The following FAM81A variants were observed in gnomAD, a reference collection of about 807,000 sequenced individuals.
The protein encoded by FAM81A is family with sequence similarity 81 member A, also known as protein FAM81A.
Under a neutral mutation model 46.7 loss-of-function variants are expected in FAM81A, and 19 were observed. The ratio of observed to expected loss-of-function variants is 0.41; its 90% CI spans 0.28 to 0.60. FAM81A has a LOEUF of 0.60. Ranked by LOEUF, FAM81A falls within the 20% of genes least tolerant of loss-of-function variation. FAM81A has a pLI of 0.34. For synonymous variants in FAM81A, 183 were observed against 152.9 expected (o/e 1.20, Z -1.45); for missense variants, 377 against 453.5 (o/e 0.83, Z 1.53).
chr15:59,494,550 A>AG (rs138286693), intron 4 of FAM81A, among the ~76,000 whole-genome samples: 12,258 of 152,244 alleles, frequency 0.081, 589 homozygotes, highest in African/African-American at 0.13. Context: ...TTCTCTACTC[A>AG]ACTTGTTGCT....
At chr15:59,500,770 C>T (rs1279389599) in intron 4 of FAM81A, among the ~76,000 whole-genome samples, 4 of 151,884 alleles carry the variant, frequency 2.6e-5, no homozygotes, top group Non-Finnish European at 5.9e-5. Context: ...TTTGTTCTAC[C>T]TATTCACGTT....
chr15:59,415,881 G>A (rs1432353153), intron 2 of FAM81A, among the ~76,000 whole-genome samples: 4 of 152,270 alleles, frequency 2.6e-5, no homozygotes, highest in African/African-American at 9.6e-5. Flanking sequence ...ATGATTTGTT[G>A]TTAAGCAGAA....
chr15:59,408,051 CT>C, intron 2 of FAM81A: 1 of 167,388 alleles, frequency 6.0e-6, no homozygotes, highest in Non-Finnish European at 1.3e-5. Context: ...ATTCTTAGGC[CT>C]TTTCTCCAAC....
chr15:59,415,181 C>T (rs564584640), intron 2 of FAM81A, among the ~76,000 whole-genome samples: 163 of 145,372 alleles, frequency 1.1e-3, no homozygotes, highest in African/African-American at 3.2e-3. Flanking sequence ...TGCAGTGGCA[C>T]GATCTCGGCT....
At chr15:59,462,072 G>A (rs1019634456) in intron 3 of FAM81A, among the ~76,000 whole-genome samples, 2 of 151,854 alleles carry the variant, frequency 1.3e-5, no homozygotes, top group Non-Finnish European at 2.9e-5. Flanking sequence ...GCGAGGTAGC[G>A]GGTGCCTGTA....
intron 3 of FAM81A, among the ~76,000 whole-genome samples, chr15:59,474,880 G>A (rs1273122307): frequency 1.3e-5 from 2 of 152,144 alleles, no homozygotes; most frequent in Non-Finnish European, 2.9e-5. Flanking sequence ...CCTCTTAGAA[G>A]CTCTTCTAGA....
chr15:59,402,120 A>G (rs941270746), intron 1 of FAM81A: 3 of 362,862 alleles, frequency 8.3e-6, no homozygotes, highest in Non-Finnish European at 1.5e-5. Flanking sequence ...GAGTGATTTT[A>G]TATTAACTTT....
Position 59,497,830 on chromosome 15 carries a change from C to CA in FAM81A, c.413+5449dup, listed in dbSNP as rs556371884. ...AGGGTGACAGAGCAAGACCCTGTTT[C>CA]AAAAAAAATAAACAAATAAGCCTTT... On this transcript the variant is annotated intron_variant, in intron 4 of 8. Coordinates refer to ENST00000288228, the MANE Select transcript of FAM81A (RefSeq NM_152450.3). 2.5e-3 allele frequency among the ~76,000 whole-genome samples: 383 copies of CA among 151,664 alleles called. 2 individuals are homozygous for CA. Among genetic ancestry groups the CA allele is most frequent in the Middle Eastern group, 0.02 (6 of 294 alleles).
chr15:59,423,472 G>A (rs2141555456), intron 2 of FAM81A, among the ~76,000 whole-genome samples: 1 of 152,248 alleles, frequency 6.6e-6, no homozygotes, highest in East Asian at 1.9e-4. Context: ...CTTTTCCCAA[G>A]GTCACAGAGT....
chr15:59,451,864 T>C (rs1476142760), intron 1 of FAM81A, among the ~76,000 whole-genome samples: 3 of 152,252 alleles, frequency 2.0e-5, no homozygotes, highest in Non-Finnish European at 4.4e-5. Context: ...CAGTTGATTA[T>C]ATTCAACAAT....
chr15:59,398,596 C>CAAAAA (rs3053045), intron 1 of FAM81A, among the ~76,000 whole-genome samples: 18,729 of 149,650 alleles, frequency 0.13, 1,406 homozygotes, highest in Middle Eastern at 0.21. Context: ...CAGTCTCTAT[C>CAAAAA]AAAAAAAGAA....
At chr15:59,473,356 G>T (rs755636299) in intron 3 of FAM81A, among the ~76,000 whole-genome samples, 1 of 152,168 alleles carries the variant, frequency 6.6e-6, no homozygotes, top group Non-Finnish European at 1.5e-5. Flanking sequence ...TGTCCACACT[G>T]TATATGCTAC....
chr15:59,503,233 CA>C (rs769759845), intron 4 of FAM81A, among the ~76,000 whole-genome samples: 550 of 35,324 alleles, frequency 0.016, no homozygotes, highest in African/African-American at 0.031. Flanking sequence ...GAGACTGTCT[CA>C]AAAAAAAAAA....
At chr15:59,445,214 G>C (rs1008111567) in intron 1 of FAM81A, 1 of 152,192 alleles carries the variant, frequency 6.6e-6, no homozygotes, top group Admixed American at 6.5e-5. Context: ...TTCAGAACGC[G>C]TTTGTGAAGA....
chr15:59,465,856 C>T (rs549446085), intron 3 of FAM81A, among the ~76,000 whole-genome samples: 9 of 152,242 alleles, frequency 5.9e-5, no homozygotes, highest in Middle Eastern at 3.4e-3. Context: ...GCCCCCCGTC[C>T]GCTGACAGAC....
At chr15:59,515,904 C>A (rs1481229976) in intron 7 of FAM81A, among the ~76,000 whole-genome samples, 1 of 152,152 alleles carries the variant, frequency 6.6e-6, no homozygotes, top group Non-Finnish European at 1.5e-5. Context: ...ATGATAGCTT[C>A]TCAGTCCTCA....
chr15:59,448,587 G>T (rs933199734), intron 1 of FAM81A, among the ~76,000 whole-genome samples: 3 of 148,714 alleles, frequency 2.0e-5, no homozygotes, highest in African/African-American at 7.4e-5. Context: ...ACCTTGGTGG[G>T]TTTTTTTTTT....
At chr15:59,501,424 G>A (rs1321101649) in intron 4 of FAM81A, among the ~76,000 whole-genome samples, 7 of 151,964 alleles carry the variant, frequency 4.6e-5, no homozygotes, top group African/African-American at 1.4e-4. Context: ...TAGTCTGATG[G>A]TACTATAATT....
chr15:59,473,211 G>A (rs1462216875), intron 3 of FAM81A, among the ~76,000 whole-genome samples: 2 of 152,114 alleles, frequency 1.3e-5, no homozygotes, highest in Non-Finnish European at 2.9e-5. Context: ...GTTATCTGTG[G>A]CCAACCATGA....
Sources: gnomAD v4.1 joint callset for allele counts (sites outside exome capture counted in the v4.1 genomes callset) on GRCh38, gnomAD v4.1.1 for gene constraint, MANE v1.5 for transcripts, NCBI Gene and HGNC (gene_info 2026-07-23, HGNC 2026-07-21) for gene names.